Variants in ZNF277 observed in about 807,000 individuals in gnomAD.
ZNF277 encodes zinc finger protein 277, also known as nuclear receptor-interacting factor 4.
Under a neutral mutation model 60.7 loss-of-function variants are expected in ZNF277, and 55 were observed. The ratio of observed to expected loss-of-function variants is 0.91; its 90% CI spans 0.73 to 1.13. The LOEUF (loss-of-function observed/expected upper bound fraction) is 1.13, where lower values mean the gene tolerates loss of function less well. Among genes scored for constraint, ZNF277 ranks in the 50% most tolerant of loss-of-function variants. ZNF277 has a pLI of 0.00. For missense variants in ZNF277, 510 were observed against 523.0 expected (o/e 0.98, Z 0.24); for synonymous variants, 178 against 179.3 (o/e 0.99, Z 0.06).
intron 5 of ZNF277, among the ~76,000 whole-genome samples, chr7:112,322,210 G>A (rs1017408596): frequency 6.6e-5 from 10 of 152,090 alleles, no homozygotes; most frequent in African/African-American, 1.2e-4. Context: ...CATCAAATTC[G>A]AAAAGTTTTC....
At chr7:112,286,103 T>C (rs1792057595) in intron 1 of ZNF277, among the ~76,000 whole-genome samples, 1 of 152,154 alleles carries the variant, frequency 6.6e-6, no homozygotes, top group Non-Finnish European at 1.5e-5. Context: ...GGCTCTGAAA[T>C]GAGAGACATA....
intron 9 of ZNF277, among the ~76,000 whole-genome samples, chr7:112,338,898 G>A (rs1563234535): frequency 6.6e-6 from 1 of 152,096 alleles, no homozygotes; most frequent in Non-Finnish European, 1.5e-5. Flanking sequence ...TCCTTCATAT[G>A]GTGCTACACT....
chr7:112,231,329 A>C (rs1001412195), intron 1 of ZNF277, among the ~76,000 whole-genome samples: 1 of 152,224 alleles, frequency 6.6e-6, no homozygotes, highest in Non-Finnish European at 1.5e-5. Context: ...GTGATAAACC[A>C]GAAAGGGGAA....
intron 1 of ZNF277, among the ~76,000 whole-genome samples, chr7:112,282,154 C>T (rs1047338128): frequency 5.9e-5 from 9 of 152,212 alleles, no homozygotes; most frequent in African/African-American, 2.2e-4. Context: ...AAGACTTAGT[C>T]CTTGACCTTA....
At chr7:112,209,064 A>G (rs571498608) in intron 1 of ZNF277, among the ~76,000 whole-genome samples, 9 of 152,296 alleles carry the variant, frequency 5.9e-5, no homozygotes, top group African/African-American at 1.9e-4. Flanking sequence ...GCAGTCTATC[A>G]TAGAAACCCT....
intron 4 of ZNF277, among the ~76,000 whole-genome samples, chr7:112,297,693 C>T (rs1363442454): frequency 6.6e-6 from 1 of 152,180 alleles, no homozygotes; most frequent in African/African-American, 2.4e-5. Context: ...ATCTGCAAAA[C>T]AAGGCTAAAT....
chr7:112,319,200 C>A (rs1584407019), intron 5 of ZNF277, among the ~76,000 whole-genome samples: 1 of 152,050 alleles, frequency 6.6e-6, no homozygotes, highest in East Asian at 1.9e-4. Context: ...CCTCCCCTCT[C>A]TGGAGGTCTG....
At chr7:112,318,448 A>C (rs1792894294) in intron 5 of ZNF277, among the ~76,000 whole-genome samples, 175 bp downstream of exon 5, 1 of 152,092 alleles carries the variant, frequency 6.6e-6, no homozygotes, top group African/African-American at 2.4e-5. Flanking sequence ...AGGTGCTCTA[A>C]GCAGCAGAGG....
intron 1 of ZNF277, among the ~76,000 whole-genome samples, chr7:112,249,468 C>T (rs777642573): frequency 2.0e-5 from 3 of 152,076 alleles, no homozygotes; most frequent in Non-Finnish European, 2.9e-5. Context: ...GATACTTAAA[C>T]CAGATAGCTG....
chr7:112,293,872 C>T (rs935037238), intron 2 of ZNF277, among the ~76,000 whole-genome samples: 1 of 152,154 alleles, frequency 6.6e-6, no homozygotes, highest in African/African-American at 2.4e-5. Context: ...ACGATCCACT[C>T]CTTGGTGTAT....
At chr7:112,303,999 G>GAAATGCAAGGTCAAGGTGTATTTCCAAA in intron 4 of ZNF277, among the ~76,000 whole-genome samples, 1 of 152,190 alleles carries the variant, frequency 6.6e-6, no homozygotes, top group South Asian at 2.1e-4. Flanking sequence ...AACTCTCATG[G>GAAATGCAAGGTCAAGGTGTATTTCCAAA]ATTTGGGGGT....
At chr7:112,296,170 T>C in intron 3 of ZNF277, 59 bp from the exon 4 acceptor site, 1 of 1,233,820 alleles carries the variant, frequency 8.1e-7, no homozygotes. Context: ...AAATAAGTCC[T>C]TCTGGGGAAA....
intron 1 of ZNF277, among the ~76,000 whole-genome samples, chr7:112,244,388 G>A (rs565470641): frequency 4.6e-5 from 7 of 152,020 alleles, no homozygotes; most frequent in South Asian, 2.1e-4. Context: ...TATTTTACTC[G>A]TATTTCTGAT....
At chr7:112,296,908 ATTTATTTTT>A (rs1792356749) in intron 4 of ZNF277, among the ~76,000 whole-genome samples, 1 of 37,180 alleles carries the variant, frequency 2.7e-5, no homozygotes, top group African/African-American at 1.2e-4. Flanking sequence ...TTATTTATTT[ATTTATTTTT>A]TTTTTTTTTT....
intron 4 of ZNF277, 34 bp downstream of exon 4, chr7:112,296,345 T>C: frequency 8.7e-7 from 1 of 1,145,284 alleles, no homozygotes; most frequent in Non-Finnish European, 1.3e-6. Flanking sequence ...AATAGTGTCT[T>C]GAAAATACAT....
chr7:112,259,834 G>A lies in ZNF277; in HGVS notation c.92-27039G>A, dbSNP rs536605608. Among the ~76,000 whole-genome samples, 18 of 152,238 alleles carry A rather than the reference G, an allele frequency of 1.2e-4. No individual in the cohort carries two copies. The South Asian group carries it at 3.7e-3, about 32-fold the overall frequency. On this transcript the variant is annotated intron_variant, in intron 1 of 11. Coordinates refer to ENST00000361822, the MANE Select transcript of ZNF277 (RefSeq NM_021994.3). ...TTCTAGAAAGGAATAAAAGGATTTT[G>A]TGCAGTGTCCCAGGTACCATATCAA... is the stretch of plus-strand genomic sequence containing the variant.
At position 112,329,949 on chromosome 7, in the gene ZNF277, T is replaced by C. The variant is rs1793184922; in HGVS notation, c.669-135T>C. 6.0e-6 allele frequency: 6 copies of C among 1,007,918 alleles called. No homozygotes were observed. In the African/African-American group the frequency reaches 8.2e-5, roughly 14 times the overall value. The allele number at this position is 1,007,918 out of a possible 1,614,324, so 62.4% of individuals were successfully genotyped here. The stretch of plus-strand genomic sequence containing the variant: ...AAATGAATAAAGTGAGGGGGGATTC[T>C]GACAAGGATGGTATATCCCATTTGA... On this transcript the variant is annotated intron_variant, in intron 6 of 11. Coordinates refer to ENST00000361822, the MANE Select transcript of ZNF277 (RefSeq NM_021994.3).
chr7:112,217,675 G>T (rs73195207), intron 1 of ZNF277, among the ~76,000 whole-genome samples: 76 of 152,218 alleles, frequency 5.0e-4, no homozygotes, highest in Non-Finnish European at 7.9e-4. Flanking sequence ...CCCGCTTCTT[G>T]CCTGGCGAGT....
In ZNF277 at chr7:112,256,559, C is replaced by A. The variant is rs117355477; in HGVS notation, c.92-30314C>A. 4.6e-4 allele frequency among the ~76,000 whole-genome samples: 70 copies of A among 151,128 alleles called. 1 individual carries two copies. The East Asian group carries it at 0.014, about 29-fold the overall frequency. On this transcript the variant is annotated intron_variant, in intron 1 of 11. Coordinates refer to ENST00000361822, the MANE Select transcript of ZNF277 (RefSeq NM_021994.3). Reference sequence around the variant, plus strand: ...CTCCCAGGTTCAAGTGATTCTCTTGCCTCAACCTAGCGAGTAGCTGGGATT... The same window carrying A: ...CTCCCAGGTTCAAGTGATTCTCTTGACTCAACCTAGCGAGTAGCTGGGATT...
Sources: gnomAD v4.1 joint callset for allele counts (sites outside exome capture counted in the v4.1 genomes callset) on GRCh38, gnomAD v4.1.1 for gene constraint, MANE v1.5 for transcripts, NCBI Gene and HGNC (gene_info 2026-07-23, HGNC 2026-07-21) for gene names.